SLC30A8: variants seen among roughly 807,000 people sequenced by gnomAD.
SLC30A8 encodes solute carrier family 30 member 8.
In SLC30A8, 27 loss-of-function variants were observed where a neutral mutation model predicts 36.9. The observed-to-expected ratio is 0.73, with a 90% CI of 0.54 to 1.01. The LOEUF (loss-of-function observed/expected upper bound fraction) is 1.01. SLC30A8 is among the 50% of genes least tolerant of loss of function. The pLI, the probability that SLC30A8 is intolerant of heterozygous loss-of-function variation, is 0.00. For missense variants in SLC30A8, 439 were observed against 452.0 expected, an observed-to-expected ratio of 0.97 and a Z score of 0.26; for synonymous variants, 164 against 172.4, an observed-to-expected ratio of 0.95 and a Z score of 0.38.
At chr8:116,986,993 T>A (rs1815466532) in intron 1 of SLC30A8, among the ~76,000 whole-genome samples, 1 of 152,182 alleles carries the variant, frequency 6.6e-6, no homozygotes, top group South Asian at 2.1e-4. Flanking sequence ...TATTGTTTAG[T>A]CTTCTCATAT....
intron 1 of SLC30A8, among the ~76,000 whole-genome samples, chr8:116,972,764 G>C (rs915266035): frequency 1.3e-5 from 2 of 152,166 alleles, no homozygotes; most frequent in African/African-American, 4.8e-5. Flanking sequence ...GAACTGACGT[G>C]ATAAATTATA....
intron 2 of SLC30A8, among the ~76,000 whole-genome samples, chr8:117,098,393 T>C (rs1445986198): frequency 6.6e-6 from 1 of 152,134 alleles, no homozygotes; most frequent in African/African-American, 2.4e-5. Flanking sequence ...TTAAGAATAC[T>C]CAAAATCTTT....
chr8:117,054,116 T>TTTTTTTTG (rs71305459), intron 2 of SLC30A8, among the ~76,000 whole-genome samples: 1 of 150,154 alleles, frequency 6.7e-6, no homozygotes, highest in Non-Finnish European at 1.5e-5. Flanking sequence ...TTTTTTTTTT[T>TTTTTTTTG]GAGACAGGGC....
At position 116,991,713 on chromosome 8, in the gene SLC30A8, T is replaced by C. The variant is rs532478489; in HGVS notation, c.-266+40594T>C. 7.2e-5 allele frequency among the ~76,000 whole-genome samples: 11 copies of C among 152,334 alleles called. No homozygotes were observed. The South Asian group carries it at 2.3e-3, about 32-fold the overall frequency. On this transcript the variant is annotated intron_variant, in intron 1 of 10. Coordinates refer to the SLC30A8 transcript ENST00000427715. ...ATAAAAGATTTGCCATGACAATAGA[T>C]AAGTAAATTCAGATCTTTTTTCTTT...
At chr8:117,039,749 T>C (rs189238019) in intron 2 of SLC30A8, among the ~76,000 whole-genome samples, 17 of 152,364 alleles carry the variant, frequency 1.1e-4, no homozygotes, top group African/African-American at 3.8e-4. Context: ...GCTTTTATTA[T>C]GTTTTTAGCT....
chr8:116,951,414 CT>C (rs1378082946), intron 1 of SLC30A8, among the ~76,000 whole-genome samples: 1 of 152,136 alleles, frequency 6.6e-6, no homozygotes, highest in Non-Finnish European at 1.5e-5. Context: ...TCCCTGGCCC[CT>C]GGCAAGGATT....
chr8:116,951,644 C>T (rs1813995671), intron 1 of SLC30A8, among the ~76,000 whole-genome samples: 1 of 151,662 alleles, frequency 6.6e-6, no homozygotes, highest in Admixed American at 6.6e-5. Context: ...ATCCCATCTT[C>T]CAATTTTTTG....
chr8:117,028,564 T>A (rs1816942209), intron 1 of SLC30A8, among the ~76,000 whole-genome samples: 1 of 151,630 alleles, frequency 6.6e-6, no homozygotes, highest in Admixed American at 6.6e-5. Context: ...TTTTTTTTTT[T>A]ATTGTAAGGA....
chr8:117,031,941 G>A (rs1257130646), intron 1 of SLC30A8, among the ~76,000 whole-genome samples: 1 of 152,094 alleles, frequency 6.6e-6, no homozygotes, highest in Non-Finnish European at 1.5e-5. Flanking sequence ...TTCATTTCTG[G>A]CTGGTAAGAT....
At chr8:117,156,114 A>G (rs1382073909) in intron 3 of SLC30A8, among the ~76,000 whole-genome samples, 1 of 151,272 alleles carries the variant, frequency 6.6e-6, no homozygotes, top group Admixed American at 6.6e-5. Flanking sequence ...ATCTTGGCCC[A>G]TTGCAACCTC....
chr8:116,989,422 G>A (rs904272074), intron 1 of SLC30A8, among the ~76,000 whole-genome samples: 2 of 152,144 alleles, frequency 1.3e-5, no homozygotes, highest in East Asian at 1.9e-4. Flanking sequence ...TTGACCATAA[G>A]TTCACCAAAT....
chr8:117,098,221 A>G (rs1025875913), intron 2 of SLC30A8, among the ~76,000 whole-genome samples: 1 of 151,382 alleles, frequency 6.6e-6, no homozygotes, highest in African/African-American at 2.4e-5. Flanking sequence ...GGTGACGGTC[A>G]TCTCATTTTT....
At chr8:117,118,151 CAGAT>C (rs1237707168) in intron 2 of SLC30A8, among the ~76,000 whole-genome samples, 1 of 140,260 alleles carries the variant, frequency 7.1e-6, no homozygotes, top group African/African-American at 2.7e-5. Flanking sequence ...TTTTTCAGTT[CAGAT>C]GGTATACCTT....
chr8:117,163,531 G>A lies in SLC30A8; in HGVS notation c.829+1G>A, dbSNP rs1334416472. 1.1e-5 allele frequency: 18 copies of A among 1,602,688 alleles called. No homozygotes were observed. Among genetic ancestry groups the A allele is most frequent in the African/African-American group, 6.7e-5 (5 of 74,468 alleles). ...GACTTCTCCATCTTACTCATGGAAG[G>A]TAGGAGTGATTTTATTATTACTCCC... On this transcript the variant is annotated splice_donor_variant, in intron 6 of 7. Transcript: ENST00000456015. LOFTEE classifies it high-confidence loss of function.
intron 1 of SLC30A8, among the ~76,000 whole-genome samples, chr8:117,004,897 A>C (rs1031084100): frequency 6.6e-6 from 1 of 151,774 alleles, no homozygotes; most frequent in African/African-American, 2.4e-5. Flanking sequence ...TTTTTGCAAA[A>C]ATTTTCAAAG....
rs115951261 is a variant in SLC30A8, at chr8:117,000,010, C to T, written c.-265-39209C>T. ...TGGGCATTTTAGTCTTTGGGAGATC[C>T]TTAGTGGAAAATCTGGTCCTTTGAG... On this transcript the variant is annotated intron_variant, in intron 1 of 10. Transcript: ENST00000427715. 8.4e-3 allele frequency among the ~76,000 whole-genome samples: 1,285 copies of T among 152,222 alleles called. 25 individuals are homozygous for T. Among genetic ancestry groups the T allele is most frequent in the African/African-American group, 0.03 (1,231 of 41,516 alleles).
chr8:116,953,973 G>C (rs548905295), intron 1 of SLC30A8, among the ~76,000 whole-genome samples: 6 of 152,282 alleles, frequency 3.9e-5, no homozygotes, highest in Admixed American at 3.9e-4. Flanking sequence ...AGTTGGATTA[G>C]GTTTAGGGCC....
chr8:117,057,170 A>G (rs1457081084), intron 2 of SLC30A8, among the ~76,000 whole-genome samples: 3 of 152,174 alleles, frequency 2.0e-5, no homozygotes, highest in Non-Finnish European at 4.4e-5. Flanking sequence ...CCGAGATGGC[A>G]TCTTCTGTGT....
intron 2 of SLC30A8, among the ~76,000 whole-genome samples, chr8:117,101,172 CAGAAGG>C (rs1315275039): frequency 6.6e-6 from 1 of 152,112 alleles, no homozygotes; most frequent in African/African-American, 2.4e-5. Flanking sequence ...GCCCCCAGGA[CAGAAGG>C]ATAAGATAAA....
Sources: allele counts gnomAD v4.1 joint callset (sites outside exome capture counted in the v4.1 genomes callset), GRCh38; gene constraint gnomAD v4.1.1; transcripts MANE v1.5; gene names NCBI Gene and HGNC (gene_info 2026-07-23, HGNC 2026-07-21).